The following PTPDC1 variants were observed in gnomAD, a reference collection of about 807,000 sequenced individuals.
PTPDC1 encodes the protein protein tyrosine phosphatase domain containing 1, also known as protein tyrosine phosphatase domain-containing protein 1.
PTPDC1 carries 53 observed loss-of-function variants against 75.3 expected under a neutral mutation model. That is an observed-to-expected ratio of 0.70 (90% CI 0.56 to 0.88). The LOEUF is 0.88. PTPDC1 is among the 40% of genes least tolerant of loss of function. The pLI, the probability that PTPDC1 is intolerant of heterozygous loss-of-function variation, is 0.00. For synonymous variants in PTPDC1, 349 were observed against 366.2 expected (o/e 0.95, Z 0.54); for missense variants, 925 against 998.6 (o/e 0.93, Z 0.99).
upstream of PTPDC1, among the ~76,000 whole-genome samples, chr9:94,083,512 G>A (rs1384523452): frequency 6.6e-6 from 1 of 152,094 alleles, no homozygotes; most frequent in Non-Finnish European, 1.5e-5. Context: ...GTTTGTTTCT[G>A]TGCACACACA....
At chr9:94,064,252 T>C (rs1326325239) in intron 1 of PTPDC1, among the ~76,000 whole-genome samples, 2 of 152,202 alleles carry the variant, frequency 1.3e-5, no homozygotes, top group East Asian at 3.8e-4. Flanking sequence ...ACTACCACCC[T>C]ACTACTTAGT....
intron 1 of PTPDC1, among the ~76,000 whole-genome samples, chr9:94,031,792 G>A (rs1289079868): frequency 6.6e-6 from 1 of 152,130 alleles, no homozygotes; most frequent in Non-Finnish European, 1.5e-5. Flanking sequence ...AGGAGAGGGG[G>A]AAAATCAAGA....
chr9:94,072,496 T>G (rs1826544795), intron 2 of PTPDC1, among the ~76,000 whole-genome samples: 1 of 151,886 alleles, frequency 6.6e-6, no homozygotes, highest in African/African-American at 2.4e-5. Flanking sequence ...CAGTTCTATT[T>G]CCTCTTTTCC....
chr9:94,050,846 T>C (rs1289069765), intron 1 of PTPDC1, among the ~76,000 whole-genome samples: 1 of 152,222 alleles, frequency 6.6e-6, no homozygotes, highest in African/African-American at 2.4e-5. Flanking sequence ...CTCCTTGAGC[T>C]GCACTGGGCT....
At chr9:94,056,236 GTTATTA>G (rs770097069) in intron 1 of PTPDC1, among the ~76,000 whole-genome samples, 7 of 152,074 alleles carry the variant, frequency 4.6e-5, no homozygotes, top group Non-Finnish European at 7.4e-5. Flanking sequence ...ATGTGATTTA[GTTATTA>G]TTATTATATT....
chr9:94,055,468 GATAA>G (rs764767404), intron 1 of PTPDC1, among the ~76,000 whole-genome samples: 3 of 152,178 alleles, frequency 2.0e-5, no homozygotes, highest in African/African-American at 7.2e-5. Context: ...TAGGTGAGTG[GATAA>G]ATAAACTGTG....
At chr9:94,070,442 C>T (rs1564020028) in intron 2 of PTPDC1, among the ~76,000 whole-genome samples, 1 of 152,284 alleles carries the variant, frequency 6.6e-6, no homozygotes, top group South Asian at 2.1e-4. Flanking sequence ...ATTATATATA[C>T]ATTTTTAATT....
At chr9:94,104,641 A>G (rs1827954456) in intron 8 of PTPDC1, among the ~76,000 whole-genome samples, 1 of 152,238 alleles carries the variant, frequency 6.6e-6, no homozygotes, top group Non-Finnish European at 1.5e-5. Flanking sequence ...GCTTTTATAT[A>G]AAAGAAAGAG....
At chr9:94,099,381 C>T (rs930322711) in intron 6 of PTPDC1, among the ~76,000 whole-genome samples, 14 of 152,074 alleles carry the variant, frequency 9.2e-5, no homozygotes, top group Admixed American at 2.0e-4. Context: ...CGTGAATCAC[C>T]GAGATCTTGA....
chr9:94,104,458 TCACC>T, intron 8 of PTPDC1, 73 bp downstream of exon 8: 1 of 935,008 alleles, frequency 1.1e-6, no homozygotes, highest in Non-Finnish European at 1.7e-6. Flanking sequence ...AATCCAGAGG[TCACC>T]GTCCTCCTCT....
In PTPDC1 at chr9:94,097,402, C is replaced by A. The variant is rs768987235; in HGVS notation, c.836C>A (p.Pro279His). The A allele has an allele frequency of 2.9e-5, 47 of 1,614,014 alleles. No individual in the cohort carries two copies. Among genetic ancestry groups the A allele is most frequent in the Non-Finnish European group, 3.8e-5 (45 of 1,179,994 alleles). Residue 279 changes from proline (P) to histidine (H), a missense_variant, in exon 6 of 9, where the codon CCC becomes CAC. Physicochemically the swap from Pro to His is moderately conservative, Grantham distance 77. Transcript: ENST00000620992. ...ATTATATTTGTGCGGGCAAAGCGAC[C>A]CAATTCCATACAAACCAGAGGACAG... Reference protein sequence around the residue: ...QAIIFVRAKRPNSIQTRGQLL... With the variant: ...QAIIFVRAKRHNSIQTRGQLL...
At chr9:94,035,490 G>T (rs1825236424) in intron 1 of PTPDC1, among the ~76,000 whole-genome samples, 1 of 152,066 alleles carries the variant, frequency 6.6e-6, no homozygotes, top group Non-Finnish European at 1.5e-5. Flanking sequence ...TTCCATCCAC[G>T]TTGTGGCAAA....
intron 1 of PTPDC1, among the ~76,000 whole-genome samples, chr9:94,031,862 G>A (rs1018301412): frequency 5.3e-5 from 8 of 152,298 alleles, no homozygotes; most frequent in Non-Finnish European, 1.2e-4. Flanking sequence ...CGATAGTTAT[G>A]TATGTGGAAG....
chr9:94,073,659 A>G (rs1455173678), intron 2 of PTPDC1, among the ~76,000 whole-genome samples: 1 of 151,902 alleles, frequency 6.6e-6, no homozygotes, highest in Non-Finnish European at 1.5e-5. Context: ...TCATTTTTCT[A>G]GTTTACTTAG....
intron 1 of PTPDC1, among the ~76,000 whole-genome samples, chr9:94,034,091 A>C (rs1829778418): frequency 6.6e-6 from 1 of 152,256 alleles, no homozygotes; most frequent in Non-Finnish European, 1.5e-5. Context: ...ATAAATGCTT[A>C]AACAGTAAAA....
At chr9:94,059,886 T>C (rs1159361736) in intron 1 of PTPDC1, among the ~76,000 whole-genome samples, 4 of 152,224 alleles carry the variant, frequency 2.6e-5, no homozygotes, top group Admixed American at 2.6e-4. Context: ...TGTATCCTGA[T>C]GTGTCTTGAG....
intron 1 of PTPDC1, among the ~76,000 whole-genome samples, chr9:94,063,814 C>T (rs1386284140): frequency 6.6e-6 from 1 of 152,076 alleles, no homozygotes; most frequent in Non-Finnish European, 1.5e-5. Flanking sequence ...AGAATTTCAA[C>T]AAGTTTTTAT....
At chr9:94,080,783 A>C (rs1238337706), upstream of PTPDC1, among the ~76,000 whole-genome samples, 2 of 152,210 alleles carry the variant, frequency 1.3e-5, no homozygotes, top group Non-Finnish European at 2.9e-5. Flanking sequence ...ACTGTAAGGA[A>C]CATTTTTGGA....
At chr9:94,077,118 T>A (rs1826721768) in intron 2 of PTPDC1, among the ~76,000 whole-genome samples, 1 of 152,212 alleles carries the variant, frequency 6.6e-6, no homozygotes, top group African/African-American at 2.4e-5. Context: ...CAACACTATT[T>A]AAATCCAGAC....
Sources: gnomAD v4.1 joint callset for allele counts (sites outside exome capture counted in the v4.1 genomes callset) on GRCh38, gnomAD v4.1.1 for gene constraint, MANE v1.5 for transcripts, NCBI Gene and HGNC (gene_info 2026-07-23, HGNC 2026-07-21) for gene names.